The following FAT3 variants were observed in gnomAD, a reference collection of about 807,000 sequenced individuals.
FAT3 encodes protocadherin Fat 3.
In FAT3, 95 loss-of-function variants were observed where a neutral mutation model predicts 310.2. The ratio of observed to expected loss-of-function variants is 0.31; its 90% CI spans 0.26 to 0.36. The LOEUF (loss-of-function observed/expected upper bound fraction) is 0.36. Ranked by LOEUF, FAT3 falls within the 10% of genes least tolerant of loss-of-function variation. FAT3 has a pLI of 1.00. For synonymous variants in FAT3, 2,314 were observed against 2,192.9 expected (o/e 1.06, Z -1.54); for missense variants, 5,408 against 5,715.6 (o/e 0.95, Z 1.74).
At chr11:92,568,883 T>C (rs1379105135) in intron 3 of FAT3, among the ~76,000 whole-genome samples, 1 of 152,196 alleles carries the variant, frequency 6.6e-6, no homozygotes, top group African/African-American at 2.4e-5. Flanking sequence ...TTCATGTGGA[T>C]ACCTGTCAAC....
chr11:92,360,386 G>A (rs950163464), intron 2 of FAT3, among the ~76,000 whole-genome samples: 1 of 152,110 alleles, frequency 6.6e-6, no homozygotes, highest in African/African-American at 2.4e-5. Context: ...ATTAAATGGG[G>A]GCCTCCCCAA....
In FAT3 at chr11:92,667,161, G is replaced by A. The variant is rs373795577; in HGVS notation, c.3608-30223G>A. Among the ~76,000 whole-genome samples, 24 of 152,254 alleles carry A rather than the reference G, an allele frequency of 1.6e-4. No individual in the cohort carries two copies. The East Asian group carries it at 2.7e-3, about 17-fold the overall frequency. On this transcript the variant is annotated intron_variant, in intron 3 of 27. Transcript: ENST00000525166. Reference sequence around the variant, plus strand: ...TTCTACTTGTAACTTTCATATCTGTGATGCCAACTTGGTATTAGATCTGAT... The same window carrying A: ...TTCTACTTGTAACTTTCATATCTGTAATGCCAACTTGGTATTAGATCTGAT...
At chr11:92,277,857 A>G (rs1946316329) in intron 1 of FAT3, among the ~76,000 whole-genome samples, 1 of 151,380 alleles carries the variant, frequency 6.6e-6, no homozygotes, top group South Asian at 2.1e-4. Flanking sequence ...TAAAAAGTCA[A>G]TCTTTTTTTT....
chr11:92,810,487 T>A (rs555690774), intron 13 of FAT3, among the ~76,000 whole-genome samples: 1 of 152,332 alleles, frequency 6.6e-6, no homozygotes, highest in South Asian at 2.1e-4. Flanking sequence ...TATGAAGAAC[T>A]CGGTCACATG....
At chr11:92,364,390 A>G (rs1343507114) in intron 2 of FAT3, among the ~76,000 whole-genome samples, 1 of 152,194 alleles carries the variant, frequency 6.6e-6, no homozygotes, top group Non-Finnish European at 1.5e-5. Flanking sequence ...GTGACTCTCC[A>G]GAAGGCAGTG....
chr11:92,640,729 T>C (rs940296655), intron 3 of FAT3, among the ~76,000 whole-genome samples: 1 of 152,196 alleles, frequency 6.6e-6, no homozygotes, highest in Admixed American at 6.5e-5. Context: ...GAGTATTTAA[T>C]GAATCATTTT....
chr11:92,493,352 C>G (rs575986046), intron 2 of FAT3, among the ~76,000 whole-genome samples: 35 of 152,218 alleles, frequency 2.3e-4, no homozygotes, highest in African/African-American at 7.7e-4. Flanking sequence ...GCTGCAGACA[C>G]TGGCTCCTTA....
chr11:92,882,141 A>G (rs556094956), intron 23 of FAT3, among the ~76,000 whole-genome samples: 1 of 152,282 alleles, frequency 6.6e-6, no homozygotes, highest in South Asian at 2.1e-4. Context: ...TGGCAAACTA[A>G]TTTGGTGGCA....
chr11:92,290,125 C>A (rs1056459041), intron 1 of FAT3, among the ~76,000 whole-genome samples: 1 of 152,116 alleles, frequency 6.6e-6, no homozygotes, highest in Non-Finnish European at 1.5e-5. Flanking sequence ...CCCTTACCTT[C>A]TTGTCTTTAT....
intron 3 of FAT3, among the ~76,000 whole-genome samples, chr11:92,567,074 A>G (rs1955484242): frequency 6.6e-6 from 1 of 152,210 alleles, no homozygotes; most frequent in Non-Finnish European, 1.5e-5. Context: ...GCACAGCAAA[A>G]GAAACTGCCA....
chr11:92,880,858 T>C lies in FAT3; in HGVS notation c.12255T>C (p.Asn4085=). The C allele has an allele frequency of 6.2e-7, 1 of 1,613,990 alleles. No individual in the cohort carries two copies. Among genetic ancestry groups the C allele is most frequent in the Non-Finnish European group, 8.5e-7 (1 of 1,179,874 alleles). The change falls in exon 23 of 28, where the codon AAT becomes AAC. Residue 4085 remains asparagine, a synonymous_variant. Coordinates refer to ENST00000525166, the MANE Select transcript of FAT3 (RefSeq NM_001367949.2). ...CAATAGGAAACACTTTCATCTGCAATTGTAAAGCTGGGCTCACTGGAGTCA... is the reference window on the plus strand; with the variant it reads ...CAATAGGAAACACTTTCATCTGCAACTGTAAAGCTGGGCTCACTGGAGTCA... ...CDPIGNTFIC[N]CKAGLTGVTC...
chr11:92,879,903 C>A (rs1388953270), intron 22 of FAT3, among the ~76,000 whole-genome samples: 1 of 152,030 alleles, frequency 6.6e-6, no homozygotes, highest in Non-Finnish European at 1.5e-5. Context: ...GTAGAACTGC[C>A]TTCCTCTTTA....
chr11:92,258,686 G>A (rs957436075), intron 1 of FAT3, among the ~76,000 whole-genome samples: 2 of 152,076 alleles, frequency 1.3e-5, no homozygotes, highest in Non-Finnish European at 2.9e-5. Flanking sequence ...TAAAAAATGT[G>A]AGCATCTTAA....
chr11:92,347,313 C>G (rs1345305333), intron 1 of FAT3, among the ~76,000 whole-genome samples: 1 of 152,144 alleles, frequency 6.6e-6, no homozygotes. Flanking sequence ...GTCAAGGGGA[C>G]TCTATATTGA....
chr11:92,800,123 C>T lies in FAT3; in HGVS notation c.7110C>T (p.Gly2370=), dbSNP rs1329558792. ...TGAAAGTCAGATCAATAGATAGTGG[C>T]TTCCCATCACTGAGCAGTGAGGTTC... The part of the protein sequence containing the change: ...CTLKVRSIDS[G]FPSLSSEVLV... The change falls in exon 10 of 28, where the codon GGC becomes GGT. Residue 2370 remains glycine, a synonymous_variant. Transcript: ENST00000525166. 1.2e-6 allele frequency: 2 copies of T among 1,613,944 alleles called. No individual in the cohort carries two copies. The highest frequency in any genetic ancestry group is 1.1e-5 in the South Asian group (1 of 91,066).
At chr11:92,767,905 A>C (rs1298480420) in intron 6 of FAT3, among the ~76,000 whole-genome samples, 1 of 152,086 alleles carries the variant, frequency 6.6e-6, no homozygotes, top group Non-Finnish European at 1.5e-5. Flanking sequence ...GCCTCCTGGA[A>C]CCTACTCAGA....
intron 2 of FAT3, among the ~76,000 whole-genome samples, chr11:92,402,968 G>A (rs1271225280): frequency 6.6e-6 from 1 of 152,040 alleles, no homozygotes; most frequent in African/African-American, 2.4e-5. Context: ...ATAAAGAAGT[G>A]GAATTAGAAA....
intron 2 of FAT3, among the ~76,000 whole-genome samples, chr11:92,461,356 G>A (rs1951633897): frequency 6.6e-6 from 1 of 151,828 alleles, no homozygotes; most frequent in Admixed American, 6.6e-5. Context: ...TGAAGTTAAT[G>A]GTCTGGAAGT....
intron 3 of FAT3, among the ~76,000 whole-genome samples, chr11:92,676,644 A>T (rs1361071875): frequency 6.6e-6 from 1 of 152,182 alleles, no homozygotes; most frequent in Non-Finnish European, 1.5e-5. Flanking sequence ...ACTCTGAAAT[A>T]AGTAAGATTG....
Sources: gnomAD v4.1 joint callset for allele counts (sites outside exome capture counted in the v4.1 genomes callset) on GRCh38, gnomAD v4.1.1 for gene constraint, MANE v1.5 for transcripts, NCBI Gene and HGNC (gene_info 2026-07-23, HGNC 2026-07-21) for gene names.